Variants in PCSK5 observed in about 807,000 individuals in gnomAD.
PCSK5 encodes proprotein convertase subtilisin/kexin type 5.
A neutral mutation model predicts 233.2 loss-of-function variants in PCSK5; 129 were observed. The observed-to-expected ratio is 0.55, with a 90% CI of 0.48 to 0.64. PCSK5 has a LOEUF of 0.64. Among genes scored for constraint, PCSK5 ranks in the 30% least tolerant of loss-of-function variants. PCSK5 has a pLI of 0.00. For synonymous variants in PCSK5, 825 were observed against 879.2 expected, an observed-to-expected ratio of 0.94 and a Z score of 1.09; for missense variants, 2,076 against 2,430.1, an observed-to-expected ratio of 0.85 and a Z score of 3.06.
intron 3 of PCSK5, among the ~76,000 whole-genome samples, chr9:75,994,413 T>TA: frequency 1.3e-4 from 1 of 7,668 alleles, no homozygotes; most frequent in Non-Finnish European, 4.2e-4. Flanking sequence ...TTTTTTTTTT[T>TA]TTTTTTTTTT....
At chr9:76,352,898 A>G (rs566524033) in intron 36 of PCSK5, among the ~76,000 whole-genome samples, 4 of 152,060 alleles carry the variant, frequency 2.6e-5, no homozygotes, top group African/African-American at 7.2e-5. Flanking sequence ...CAAAAAAAAA[A>G]AATAGCTGGA....
chr9:76,296,890 CA>C (rs761676389), intron 27 of PCSK5, 25 bp downstream of exon 27: 5 of 1,517,248 alleles, frequency 3.3e-6, no homozygotes, highest in Admixed American at 1.7e-5. Context: ...AAAAAGAGGT[CA>C]CAGGGGTCTA....
chr9:76,177,689 T>A (rs1823676531), intron 14 of PCSK5, among the ~76,000 whole-genome samples: 1 of 152,228 alleles, frequency 6.6e-6, no homozygotes. Context: ...TTATTCATAT[T>A]TTGGTAATGT....
At chr9:76,021,152 T>G (rs542531894) in intron 3 of PCSK5, among the ~76,000 whole-genome samples, 5 of 152,302 alleles carry the variant, frequency 3.3e-5, no homozygotes, top group African/African-American at 9.6e-5. Context: ...CCCCCATTTT[T>G]GGGATATAAT....
chr9:76,049,974 G>T (rs1364221294), intron 5 of PCSK5, among the ~76,000 whole-genome samples: 4 of 152,094 alleles, frequency 2.6e-5, no homozygotes, highest in Non-Finnish European at 5.9e-5. Flanking sequence ...AATAAATGTA[G>T]ACTTGTAAAT....
chr9:76,103,570 G>A (rs1426167834), intron 8 of PCSK5, among the ~76,000 whole-genome samples: 8 of 152,154 alleles, frequency 5.3e-5, no homozygotes, highest in Non-Finnish European at 8.8e-5. Context: ...ATTGCTTAGG[G>A]TGAGAAAAAG....
chr9:76,350,309 G>T (rs1830086456), intron 35 of PCSK5, among the ~76,000 whole-genome samples: 1 of 140,674 alleles, frequency 7.1e-6, no homozygotes, highest in Non-Finnish European at 1.6e-5. Flanking sequence ...GCTTTCAAGA[G>T]AATTTCAAAG....
rs569413586 is a variant in PCSK5, at chr9:76,050,287, G to A, written c.633-17668G>A. Among the ~76,000 whole-genome samples, 5 of 152,218 alleles carry A rather than the reference G, an allele frequency of 3.3e-5. No homozygotes were observed. The South Asian group carries it at 1.0e-3, about 32-fold the overall frequency. ...GGTCTGTTTCCATTCTGCCAAGCTG[G>A]TCTGTTGCTTTGCTACTTCAGAAAT... On this transcript the variant is annotated intron_variant, in intron 5 of 37. Transcript: ENST00000674117.
chr9:75,928,953 A>AT lies in PCSK5; in HGVS notation c.193-3425dup, dbSNP rs1169518587. Among the ~76,000 whole-genome samples, 68 of 151,946 alleles carry AT rather than the reference A, an allele frequency of 4.5e-4. 1 individual carries two copies. Among genetic ancestry groups the AT allele is most frequent in the African/African-American group, 1.6e-3 (66 of 41,482 alleles). On this transcript the variant is annotated intron_variant, in intron 1 of 37. Coordinates refer to ENST00000674117, the MANE Select transcript of PCSK5 (RefSeq NM_001372043.1). ...TATTTATTTATTTATTTATTTATTTATGAGACACAGTCTTGCTCTGTCACC... is the reference window on the plus strand; with the variant it reads ...TATTTATTTATTTATTTATTTATTTATTGAGACACAGTCTTGCTCTGTCACC...
At chr9:76,005,951 T>C (rs1055606752) in intron 3 of PCSK5, among the ~76,000 whole-genome samples, 6 of 151,722 alleles carry the variant, frequency 4.0e-5, no homozygotes, top group African/African-American at 1.5e-4. Flanking sequence ...GCTCAAGTGA[T>C]CCTCCCACCT....
chr9:76,288,577 C>T (rs561432239), intron 24 of PCSK5, among the ~76,000 whole-genome samples: 23 of 152,300 alleles, frequency 1.5e-4, no homozygotes, highest in African/African-American at 5.3e-4. Flanking sequence ...ATAGGGAGAC[C>T]TGGTCTCTTC....
chr9:75,998,498 G>T (rs563089003), intron 3 of PCSK5, among the ~76,000 whole-genome samples: 24 of 152,124 alleles, frequency 1.6e-4, no homozygotes, highest in Non-Finnish European at 5.9e-5. Flanking sequence ...GCTCAATACC[G>T]CTCTAGTAAG....
At chr9:76,351,423 C>CT (rs200741774) in intron 36 of PCSK5, among the ~76,000 whole-genome samples, 4 of 66,034 alleles carry the variant, frequency 6.1e-5, no homozygotes, top group Admixed American at 1.5e-4. Context: ...CCAGAAACCG[C>CT]CCCCCCCTGC....
At chr9:75,947,791 G>A (rs1824643053) in intron 2 of PCSK5, among the ~76,000 whole-genome samples, 1 of 152,134 alleles carries the variant, frequency 6.6e-6, no homozygotes, top group Non-Finnish European at 1.5e-5. Context: ...CCAGGAATGA[G>A]GTAGCATGAG....
chr9:75,912,175 A>G (rs751118984), intron 1 of PCSK5, among the ~76,000 whole-genome samples: 1 of 152,064 alleles, frequency 6.6e-6, no homozygotes, highest in Non-Finnish European at 1.5e-5. Flanking sequence ...CAGGCTTAGG[A>G]AGTCTTCGTG....
chr9:75,987,638 C>G (rs1344778400), intron 3 of PCSK5, among the ~76,000 whole-genome samples: 1 of 152,024 alleles, frequency 6.6e-6, no homozygotes, highest in Non-Finnish European at 1.5e-5. Context: ...CAGAAATTTT[C>G]CTCATGTTTA....
chr9:76,026,072 C>T (rs1052914408), intron 4 of PCSK5, among the ~76,000 whole-genome samples: 3 of 152,130 alleles, frequency 2.0e-5, no homozygotes, highest in Non-Finnish European at 4.4e-5. Context: ...ACACCACTGC[C>T]CTCCAGCCTG....
chr9:76,276,608 A>C (rs1275029289), intron 24 of PCSK5, among the ~76,000 whole-genome samples: 1 of 151,792 alleles, frequency 6.6e-6, no homozygotes, highest in Non-Finnish European at 1.5e-5. Context: ...TGCCCTCAGA[A>C]CCTCCCATGC....
intron 5 of PCSK5, among the ~76,000 whole-genome samples, chr9:76,036,808 G>A (rs1365772343): frequency 1.3e-5 from 2 of 152,192 alleles, no homozygotes; most frequent in African/African-American, 2.4e-5. Context: ...TAAATTAATT[G>A]GTGGTCAAGT....
Sources: gnomAD v4.1 joint callset for allele counts (sites outside exome capture counted in the v4.1 genomes callset) on GRCh38, gnomAD v4.1.1 for gene constraint, MANE v1.5 for transcripts, NCBI Gene and HGNC (gene_info 2026-07-23, HGNC 2026-07-21) for gene names.